Variants in GALNT13 observed in about 807,000 individuals in gnomAD.
GALNT13 encodes the protein polypeptide N-acetylgalactosaminyltransferase 13, also known as UDP-GalNAc:polypeptide N-acetylgalactosaminyltransferase 13.
GALNT13 carries 28 observed loss-of-function variants against 64.2 expected under a neutral mutation model. That is an observed-to-expected ratio of 0.44 (90% CI 0.32 to 0.60). The LOEUF is 0.60. Ranked by LOEUF, GALNT13 falls within the 20% of genes least tolerant of loss-of-function variation. GALNT13 has a pLI of 0.05. For missense variants in GALNT13, 577 were observed against 669.8 expected, an observed-to-expected ratio of 0.86 and a Z score of 1.53; for synonymous variants, 214 against 224.6, an observed-to-expected ratio of 0.95 and a Z score of 0.42.
chr2:153,333,743 A>G, the GALNT13 span, among the ~76,000 whole-genome samples: 2 of 152,252 alleles, frequency 1.3e-5, no homozygotes, highest in Non-Finnish European at 2.9e-5. Context: ...TAATTTCAAA[A>G]GCAAAAATAT....
chr2:153,439,954 T>A, the GALNT13 span, among the ~76,000 whole-genome samples: 1 of 152,198 alleles, frequency 6.6e-6, no homozygotes, highest in African/African-American at 2.4e-5. Context: ...TTCGGCCGTC[T>A]TGGCCTACTT....
In GALNT13 at chr2:154,298,670, C is replaced by CATTGTATATATAA. The variant is rs1693180244; in HGVS notation, c.976-2729_976-2728insTAAATTGTATATA. ...ACATTGTATATACAATTTATATATA[C>CATTGTATATATAA]ATTGTATATACAATTTATATATACA... On this transcript the variant is annotated intron_variant, in intron 8 of 12. Transcript: ENST00000392825. 1.9e-3 allele frequency among the ~76,000 whole-genome samples: 11 copies of CATTGTATATATAA among 5,810 alleles called. 2 individuals are homozygous for CATTGTATATATAA. The highest frequency in any genetic ancestry group is 8.5e-3 in the South Asian group (2 of 236). 3.8% of individuals were successfully genotyped at this position (5,810 alleles called of 152,430 possible). A position where few individuals can be genotyped will look rare whatever the true frequency, so the allele number is the denominator to read the frequency against.
chr2:153,098,909 T>G, the GALNT13 span, among the ~76,000 whole-genome samples: 1 of 152,186 alleles, frequency 6.6e-6, no homozygotes, highest in Non-Finnish European at 1.5e-5. Context: ...AGATAGCCTC[T>G]TAGAGTTGGA....
the GALNT13 span, among the ~76,000 whole-genome samples, chr2:153,650,813 T>C: frequency 6.6e-6 from 1 of 152,186 alleles, no homozygotes; most frequent in Non-Finnish European, 1.5e-5. Flanking sequence ...AACTAAAGAC[T>C]GTTTTAAATT....
At chr2:153,906,032 C>T (rs914237810) in intron 2 of GALNT13, among the ~76,000 whole-genome samples, 5 of 151,842 alleles carry the variant, frequency 3.3e-5, no homozygotes, top group Admixed American at 2.0e-4. Context: ...CAGAACAGCA[C>T]ACCATTTAAA....
At chr2:153,841,757 T>G in the GALNT13 span, among the ~76,000 whole-genome samples, 1 of 152,300 alleles carries the variant, frequency 6.6e-6, no homozygotes, top group African/African-American at 2.4e-5. Flanking sequence ...TCAAGTTTAA[T>G]GTATAACTTC....
the GALNT13 span, among the ~76,000 whole-genome samples, chr2:153,846,100 A>G: frequency 2.0e-5 from 3 of 152,170 alleles, no homozygotes; most frequent in African/African-American, 4.8e-5. Context: ...ACGAAGTACC[A>G]AAGAAAGTAG....
At chr2:153,261,721 A>T in the GALNT13 span, among the ~76,000 whole-genome samples, 1 of 148,660 alleles carries the variant, frequency 6.7e-6, no homozygotes, top group African/African-American at 2.5e-5. Context: ...AGGGCTCTAC[A>T]ATCAGTAGGC....
At chr2:154,129,755 A>T (rs1682503086) in intron 3 of GALNT13, among the ~76,000 whole-genome samples, 1 of 152,138 alleles carries the variant, frequency 6.6e-6, no homozygotes. Context: ...AACATGATTC[A>T]TTACAAATTC....
intron 10 of GALNT13, among the ~76,000 whole-genome samples, 183 bp from the exon 11 acceptor site, chr2:154,408,801 A>G (rs1699664950): frequency 1.3e-5 from 2 of 152,092 alleles, no homozygotes; most frequent in African/African-American, 2.4e-5. Flanking sequence ...TTAGAAATGT[A>G]TACAGGTTAA....
chr2:153,580,489 G>A, the GALNT13 span, among the ~76,000 whole-genome samples: 1 of 152,028 alleles, frequency 6.6e-6, no homozygotes, highest in Non-Finnish European at 1.5e-5. Flanking sequence ...AGGTGAGAAC[G>A]CCAAGACAAT....
intron 1 of GALNT13, among the ~76,000 whole-genome samples, chr2:153,874,206 G>A (rs906590652): frequency 3.4e-5 from 5 of 148,388 alleles, no homozygotes; most frequent in Non-Finnish European, 5.9e-5. Flanking sequence ...TGGAGAATTT[G>A]CGTAGCCTAA....
At chr2:153,224,723 G>C in the GALNT13 span, among the ~76,000 whole-genome samples, 2 of 152,144 alleles carry the variant, frequency 1.3e-5, no homozygotes, top group Non-Finnish European at 2.9e-5. Context: ...TATGAAAACT[G>C]TTTTTCACGC....
the GALNT13 span, among the ~76,000 whole-genome samples, chr2:153,264,031 T>A: frequency 2.0e-5 from 3 of 151,946 alleles, no homozygotes; most frequent in African/African-American, 7.2e-5. Flanking sequence ...TGGGAGAAAA[T>A]TTTTGCAATC....
intron 4 of GALNT13, among the ~76,000 whole-genome samples, chr2:154,181,884 A>G (rs1485831373): frequency 6.6e-6 from 1 of 152,022 alleles, no homozygotes; most frequent in African/African-American, 2.4e-5. Flanking sequence ...ATTCCTTAAG[A>G]ACATTATTAG....
At chr2:153,989,470 A>G (rs550174531) in intron 3 of GALNT13, among the ~76,000 whole-genome samples, 1 of 151,924 alleles carries the variant, frequency 6.6e-6, no homozygotes, top group Non-Finnish European at 1.5e-5. Context: ...AACCAATATA[A>G]TTTTCCTCTT....
At chr2:154,070,607 G>T (rs1700689311) in intron 3 of GALNT13, among the ~76,000 whole-genome samples, 1 of 152,060 alleles carries the variant, frequency 6.6e-6, no homozygotes, top group African/African-American at 2.4e-5. Context: ...GTGATAAACA[G>T]AGATTCAAGT....
intron 11 of GALNT13, among the ~76,000 whole-genome samples, chr2:154,419,151 A>T (rs909989380): frequency 1.3e-5 from 2 of 152,186 alleles, no homozygotes; most frequent in Non-Finnish European, 2.9e-5. Context: ...TGAGCAAAAA[A>T]TCAACAAGTA....
In GALNT13 at chr2:154,166,208, C is replaced by G. The variant is rs1051406770; in HGVS notation, c.311+25703C>G. Among the ~76,000 whole-genome samples, 2 of 152,104 alleles carry G rather than the reference C, an allele frequency of 1.3e-5. 1 individual carries two copies. Among genetic ancestry groups the G allele is most frequent in the African/African-American group, 4.8e-5 (2 of 41,418 alleles). ...TCACCTGAGTTCGGGAGTTTGAGAC[C>G]AGCCTGTCCAACATGGTGAAACCCC... is the stretch of plus-strand genomic sequence containing the variant. On this transcript the variant is annotated intron_variant, in intron 4 of 12. Coordinates refer to ENST00000392825, the MANE Select transcript of GALNT13 (RefSeq NM_052917.4).
Sources: gnomAD v4.1 joint callset for allele counts (sites outside exome capture counted in the v4.1 genomes callset) on GRCh38, gnomAD v4.1.1 for gene constraint, MANE v1.5 for transcripts, NCBI Gene and HGNC (gene_info 2026-07-23, HGNC 2026-07-21) for gene names.